The following SUMF1 variants were observed in gnomAD, a reference collection of about 807,000 sequenced individuals.
The protein encoded by SUMF1 is formylglycine-generating enzyme.
SUMF1 carries 48 observed loss-of-function variants against 47.6 expected under a neutral mutation model. That is an observed-to-expected ratio of 1.01 (90% CI 0.80 to 1.28). The LOEUF (loss-of-function observed/expected upper bound fraction) is 1.28. Among genes scored for constraint, SUMF1 ranks in the 50% most tolerant of loss-of-function variants. The pLI is 0.00. For missense variants in SUMF1, 571 were observed against 485.4 expected (o/e 1.18, Z -1.66); for synonymous variants, 230 against 192.1 (o/e 1.20, Z -1.63).
At chr3:4,131,918 C>T (rs921904185) in intron 8 of SUMF1, among the ~76,000 whole-genome samples, 6 of 152,138 alleles carry the variant, frequency 3.9e-5, no homozygotes, top group African/African-American at 1.4e-4. Context: ...ATGGAGGTTA[C>T]ACATGGGCTC....
chr3:4,417,754 A>T (rs1186149547), intron 5 of SUMF1, among the ~76,000 whole-genome samples: 1 of 152,184 alleles, frequency 6.6e-6, no homozygotes, highest in Non-Finnish European at 1.5e-5. Context: ...GTGATATGTA[A>T]CTCAAGGGGG....
At position 4,206,640 on chromosome 3, in the gene SUMF1, C is replaced by T. The variant is rs145223496; in HGVS notation, c.1015-137895G>A. 4.3e-4 allele frequency among the ~76,000 whole-genome samples: 66 copies of T among 152,186 alleles called. 1 individual carries two copies. The East Asian group carries it at 0.011, about 26-fold the overall frequency. On this transcript the variant is annotated intron_variant and NMD_transcript_variant, in intron 8 of 12. Transcript: ENST00000448413. ...CCTACCTCTTCAGTGCCTCCTTCCT[C>T]GAAATGATTTTAAAATCAGGTACTA...
At chr3:4,334,145 T>A (rs1390624024) in intron 8 of SUMF1, among the ~76,000 whole-genome samples, 1 of 150,442 alleles carries the variant, frequency 6.6e-6, no homozygotes, top group African/African-American at 2.4e-5. Context: ...AAAGTTTAAG[T>A]CAACTAAAAA....
chr3:4,303,337 T>C, intron 8 of SUMF1: 10 of 1,514,284 alleles, frequency 6.6e-6, no homozygotes, highest in Non-Finnish European at 8.8e-6. Flanking sequence ...GGCCCAGGAC[T>C]GTCAGGGTAG....
chr3:4,068,886 G>C (rs711677), intron 8 of SUMF1: 73,123 of 216,076 alleles, frequency 0.34, 12,996 homozygotes, highest in Admixed American at 0.46. Flanking sequence ...AACGAAAAAT[G>C]GACACTTAAA....
At chr3:4,450,382 G>A (rs1702928883) in intron 2 of SUMF1, among the ~76,000 whole-genome samples, 2 of 152,044 alleles carry the variant, frequency 1.3e-5, no homozygotes, top group Non-Finnish European at 2.9e-5. Context: ...ACTGAGTACT[G>A]GATCCTTATA....
chr3:4,199,294 G>A (rs754598864), intron 8 of SUMF1, among the ~76,000 whole-genome samples: 2 of 152,108 alleles, frequency 1.3e-5, no homozygotes, highest in Non-Finnish European at 2.9e-5. Flanking sequence ...GTTCATTCAT[G>A]TTGTTACATG....
chr3:4,395,083 G>C (rs1307074557), intron 7 of SUMF1, among the ~76,000 whole-genome samples: 1 of 152,082 alleles, frequency 6.6e-6, no homozygotes. Flanking sequence ...TGTAAAGCAG[G>C]AAGTATCATT....
intron 8 of SUMF1, among the ~76,000 whole-genome samples, chr3:4,088,460 A>C (rs1474580952): frequency 6.6e-6 from 1 of 152,088 alleles, no homozygotes; most frequent in African/African-American, 2.4e-5. Context: ...TCATCTTAGC[A>C]AGGCCTTCAA....
chr3:4,232,706 T>A (rs1402545808), intron 8 of SUMF1, among the ~76,000 whole-genome samples: 1 of 151,992 alleles, frequency 6.6e-6, no homozygotes, highest in Non-Finnish European at 1.5e-5. Flanking sequence ...TATTTTTTTT[T>A]AAAAGGCAGT....
chr3:4,366,332 C>G (rs1451312194), intron 8 of SUMF1, among the ~76,000 whole-genome samples: 1 of 152,218 alleles, frequency 6.6e-6, no homozygotes, highest in African/African-American at 2.4e-5. Context: ...GTTCCATTCT[C>G]CCCGTCACTT....
At chr3:4,255,177 C>T (rs1236887483) in intron 8 of SUMF1, among the ~76,000 whole-genome samples, 1 of 143,718 alleles carries the variant, frequency 7.0e-6, no homozygotes, top group Non-Finnish European at 1.5e-5. Flanking sequence ...ATTGTAAAGA[C>T]CATCGAGACT....
chr3:4,276,171 A>T (rs1478270559), intron 8 of SUMF1, among the ~76,000 whole-genome samples: 1 of 152,096 alleles, frequency 6.6e-6, no homozygotes, highest in East Asian at 1.9e-4. Flanking sequence ...CTGATAAGAG[A>T]TTTGAAGGGA....
At chr3:4,340,402 G>A (rs562740932) in intron 8 of SUMF1, among the ~76,000 whole-genome samples, 3 of 152,306 alleles carry the variant, frequency 2.0e-5, no homozygotes, top group African/African-American at 7.2e-5. Context: ...TGAATGCAGA[G>A]CTCTACAGAC....
chr3:4,388,896 CTT>C (rs1400589901), intron 7 of SUMF1, among the ~76,000 whole-genome samples: 2 of 152,080 alleles, frequency 1.3e-5, no homozygotes, highest in South Asian at 2.1e-4. Context: ...TTTAGCTTCT[CTT>C]GTGTATAATA....
At chr3:4,092,577 A>G (rs944033080) in intron 8 of SUMF1, among the ~76,000 whole-genome samples, 2 of 152,166 alleles carry the variant, frequency 1.3e-5, no homozygotes, top group African/African-American at 4.8e-5. Flanking sequence ...TTGGTTAACC[A>G]TGTCATATTC....
intron 8 of SUMF1, among the ~76,000 whole-genome samples, chr3:4,072,420 C>T (rs955804176): frequency 5.3e-5 from 8 of 152,248 alleles, no homozygotes; most frequent in Admixed American, 3.3e-4. Context: ...CAAAACGCCC[C>T]TTCTCCTCCT....
At chr3:4,137,214 A>T (rs1693954154) in intron 8 of SUMF1, among the ~76,000 whole-genome samples, 1 of 152,120 alleles carries the variant, frequency 6.6e-6, no homozygotes, top group Non-Finnish European at 1.5e-5. Context: ...AAAGACTTGG[A>T]ACCAACCCAA....
intron 8 of SUMF1, among the ~76,000 whole-genome samples, chr3:4,140,847 G>A (rs1231442788): frequency 1.3e-5 from 2 of 151,960 alleles, no homozygotes; most frequent in Non-Finnish European, 2.9e-5. Context: ...AGGTTTCATT[G>A]AAGAAAATAA....
Sources: allele counts gnomAD v4.1 joint callset (sites outside exome capture counted in the v4.1 genomes callset), GRCh38; gene constraint gnomAD v4.1.1; transcripts MANE v1.5; gene names NCBI Gene and HGNC (gene_info 2026-07-23, HGNC 2026-07-21).